PTPRT: variants seen among roughly 807,000 people sequenced by gnomAD.
PTPRT encodes protein tyrosine phosphatase receptor type T.
A neutral mutation model predicts 176.8 loss-of-function variants in PTPRT; 56 were observed. The observed-to-expected ratio is 0.32, with a 90% CI of 0.26 to 0.40. The LOEUF is 0.40. Ranked by LOEUF, PTPRT falls within the 10% of genes least tolerant of loss-of-function variation. The pLI is 1.00. For synonymous variants in PTPRT, 783 were observed against 739.0 expected (o/e 1.06, Z -0.96); for missense variants, 1,540 against 1,908.2 (o/e 0.81, Z 3.60).
chr20:42,737,890 T>C (rs2146284431), intron 6 of PTPRT, among the ~76,000 whole-genome samples: 1 of 152,264 alleles, frequency 6.6e-6, no homozygotes, highest in Admixed American at 6.5e-5. Flanking sequence ...ACCCAATAAT[T>C]GCATTCAGAT....
intron 1 of PTPRT, among the ~76,000 whole-genome samples, chr20:43,101,156 T>C (rs974292354): frequency 2.6e-5 from 4 of 152,104 alleles, no homozygotes; most frequent in Admixed American, 1.3e-4. Flanking sequence ...CTCTGAAGCA[T>C]ACAAAGATAA....
At chr20:42,202,259 C>T (rs969064979) in intron 15 of PTPRT, among the ~76,000 whole-genome samples, 14 of 152,102 alleles carry the variant, frequency 9.2e-5, no homozygotes, top group African/African-American at 2.9e-4. Context: ...TGGGAGCCAC[C>T]GTGCCCAGCC....
chr20:42,620,616 G>A (rs556240469), intron 7 of PTPRT, among the ~76,000 whole-genome samples: 94 of 152,294 alleles, frequency 6.2e-4, no homozygotes, highest in African/African-American at 1.9e-3. Flanking sequence ...AGGACCCTCC[G>A]AGCCAGGTGT....
chr20:42,107,411 G>A (rs553112729), intron 23 of PTPRT, among the ~76,000 whole-genome samples: 9 of 152,326 alleles, frequency 5.9e-5, no homozygotes, highest in Admixed American at 5.9e-4. Flanking sequence ...GTTTTCGCAG[G>A]ATCGTGAAGC....
intron 9 of PTPRT, among the ~76,000 whole-genome samples, chr20:42,439,076 G>A (rs1042921069): frequency 6.6e-6 from 1 of 152,176 alleles, no homozygotes; most frequent in Non-Finnish European, 1.5e-5. Context: ...TTCCCTGTCA[G>A]CCCGAATGAC....
chr20:42,526,924 G>A (rs538667655), intron 7 of PTPRT, among the ~76,000 whole-genome samples: 31 of 142,458 alleles, frequency 2.2e-4, no homozygotes, highest in African/African-American at 3.4e-4. Context: ...CTACTCTACC[G>A]TTCTAAGAGA....
chr20:42,274,579 G>GTA (rs1485366780), intron 13 of PTPRT, among the ~76,000 whole-genome samples: 9 of 129,286 alleles, frequency 7.0e-5, no homozygotes, highest in African/African-American at 1.7e-4. Flanking sequence ...GTGTGTGTGT[G>GTA]TGTGTGTGTG....
intron 27 of PTPRT, among the ~76,000 whole-genome samples, chr20:42,086,902 G>A (rs986532573): frequency 6.7e-6 from 1 of 150,280 alleles, no homozygotes; most frequent in Non-Finnish European, 1.5e-5. Context: ...AATGTCACAT[G>A]GTGCTGACAG....
At chr20:42,580,363 C>T (rs1422251603) in intron 7 of PTPRT, among the ~76,000 whole-genome samples, 1 of 151,846 alleles carries the variant, frequency 6.6e-6, no homozygotes, top group African/African-American at 2.4e-5. Context: ...GTTCTTTTGG[C>T]TTAGGATTGA....
At chr20:42,591,410 G>A (rs1388649053) in intron 7 of PTPRT, among the ~76,000 whole-genome samples, 1 of 152,190 alleles carries the variant, frequency 6.6e-6, no homozygotes, top group East Asian at 1.9e-4. Context: ...CAGAGGGCCT[G>A]AAACAGAGTA....
intron 1 of PTPRT, among the ~76,000 whole-genome samples, chr20:43,084,033 T>C (rs2011537787): frequency 6.6e-6 from 1 of 152,234 alleles, no homozygotes; most frequent in Non-Finnish European, 1.5e-5. Flanking sequence ...GCTTATCCAT[T>C]TGCCAGCTGA....
At chr20:42,389,387 T>C (rs2058777618) in intron 9 of PTPRT, among the ~76,000 whole-genome samples, 1 of 152,188 alleles carries the variant, frequency 6.6e-6, no homozygotes, top group African/African-American at 2.4e-5. Context: ...ACACATCACA[T>C]GTTGAGAGAC....
At chr20:42,055,179 C>T in the PTPRT span, among the ~76,000 whole-genome samples, 1 of 152,200 alleles carries the variant, frequency 6.6e-6, no homozygotes. Context: ...AGGTGAGCCT[C>T]CAGCATCACC....
chr20:42,335,792 G>A (rs1178818211), intron 11 of PTPRT, among the ~76,000 whole-genome samples: 2 of 152,104 alleles, frequency 1.3e-5, no homozygotes, highest in African/African-American at 2.4e-5. Context: ...TAAATAAACT[G>A]CCTGAAGAAA....
intron 6 of PTPRT, 80 bp downstream of exon 6, chr20:42,756,382 C>G: frequency 7.5e-7 from 1 of 1,330,806 alleles, no homozygotes; most frequent in East Asian, 2.7e-5. Context: ...GGGGGAGGAT[C>G]AGCAGATGAG....
chr20:42,258,138 C>T (rs2056681416), intron 13 of PTPRT, among the ~76,000 whole-genome samples: 1 of 152,126 alleles, frequency 6.6e-6, no homozygotes, highest in Non-Finnish European at 1.5e-5. Context: ...TTCCATTGAC[C>T]AGCCAGATTA....
chr20:42,467,594 C>A (rs2071121459), intron 8 of PTPRT, among the ~76,000 whole-genome samples: 4 of 152,058 alleles, frequency 2.6e-5, no homozygotes, highest in Admixed American at 2.6e-4. Context: ...GCATAAAGTT[C>A]TTATTTTTAG....
intron 1 of PTPRT, among the ~76,000 whole-genome samples, chr20:43,099,767 C>T (rs2012315749): frequency 6.6e-6 from 1 of 152,206 alleles, no homozygotes; most frequent in Non-Finnish European, 1.5e-5. Context: ...CTCTCTGATG[C>T]TGCCATCACA....
intron 1 of PTPRT, among the ~76,000 whole-genome samples, chr20:43,040,050 G>A (rs1211081108): frequency 1.3e-5 from 2 of 151,060 alleles, no homozygotes; most frequent in African/African-American, 4.9e-5. Context: ...CAAAAAAAAA[G>A]GAATAAAGAA....
Sources: gnomAD v4.1 joint callset for allele counts (sites outside exome capture counted in the v4.1 genomes callset) on GRCh38, gnomAD v4.1.1 for gene constraint, MANE v1.5 for transcripts, NCBI Gene and HGNC (gene_info 2026-07-23, HGNC 2026-07-21) for gene names.